The following SLC2A14 variants were observed in gnomAD, a reference collection of about 807,000 sequenced individuals.
SLC2A14 encodes solute carrier family 2, facilitated glucose transporter member 14.
SLC2A14 carries 13 observed loss-of-function variants against 43.0 expected under a neutral mutation model. The observed-to-expected ratio is 0.30, with a 90% CI of 0.20 to 0.48. The LOEUF (loss-of-function observed/expected upper bound fraction) is 0.48. SLC2A14 is among the 20% of genes least tolerant of loss of function. The pLI, the probability that SLC2A14 is intolerant of heterozygous loss-of-function variation, is 0.99. For synonymous variants in SLC2A14, 190 were observed against 233.8 expected (o/e 0.81, Z 1.71); for missense variants, 428 against 620.4 (o/e 0.69, Z 3.29).
chr12:7,890,978 C>A, intron 1 of SLC2A14: 3 of 1,528,828 alleles, frequency 2.0e-6, no homozygotes, highest in South Asian at 1.2e-5. Flanking sequence ...GAAGCATGAT[C>A]TATCTAGTTC....
chr12:7,842,640 A>T (rs945388006), intron 2 of SLC2A14, among the ~76,000 whole-genome samples: 1 of 147,210 alleles, frequency 6.8e-6, no homozygotes, highest in Non-Finnish European at 1.5e-5. Context: ...CCAGGCTACC[A>T]CCCCCCTCCC....
intron 4 of SLC2A14, 141 bp from the exon 5 acceptor site, chr12:7,830,147 T>C: frequency 1.8e-6 from 2 of 1,122,202 alleles, no homozygotes; most frequent in Non-Finnish European, 2.4e-6. Context: ...CACTTTCTTT[T>C]CTTTTCTTTC....
At chr12:7,862,987 G>C (rs1944669969) in intron 2 of SLC2A14, among the ~76,000 whole-genome samples, 1 of 152,106 alleles carries the variant, frequency 6.6e-6, no homozygotes, top group Non-Finnish European at 1.5e-5. Context: ...CCAGATAAGA[G>C]AATAAAAGCA....
chr12:7,850,016 A>G (rs1182079919), intron 2 of SLC2A14, among the ~76,000 whole-genome samples: 1 of 148,390 alleles, frequency 6.7e-6, no homozygotes, highest in East Asian at 2.0e-4. Flanking sequence ...TGGAGGGGAC[A>G]AGACAAGAAA....
chr12:7,851,500 T>C (rs1866936552), intron 2 of SLC2A14, among the ~76,000 whole-genome samples: 1 of 152,168 alleles, frequency 6.6e-6, no homozygotes, highest in Non-Finnish European at 1.5e-5. Flanking sequence ...TCAATAATAA[T>C]TTAATAAATG....
At chr12:7,828,223 C>T (rs1301505071) in intron 6 of SLC2A14, among the ~76,000 whole-genome samples, 4 of 151,972 alleles carry the variant, frequency 2.6e-5, no homozygotes, top group Admixed American at 6.6e-5. Context: ...CATTAGCTGG[C>T]GTGGTGTCGC....
intron 2 of SLC2A14, among the ~76,000 whole-genome samples, chr12:7,838,474 A>G (rs1388805552): frequency 6.6e-6 from 1 of 151,774 alleles, no homozygotes; most frequent in Non-Finnish European, 1.5e-5. Flanking sequence ...TATTTCCCCC[A>G]TTTCCCCCTT....
At chr12:7,873,125 C>T, upstream of SLC2A14, 1 of 985,606 alleles carries the variant, frequency 1.0e-6, no homozygotes, top group Non-Finnish European at 1.2e-6. Flanking sequence ...GGGGATCCCT[C>T]CGAGCGCCCC....
chr12:7,819,234 A>G (rs1339369578), intron 9 of SLC2A14, among the ~76,000 whole-genome samples: 1 of 152,070 alleles, frequency 6.6e-6, no homozygotes, highest in Non-Finnish European at 1.5e-5. Context: ...ACAAACAAAC[A>G]AACAAAAGAA....
intron 6 of SLC2A14, among the ~76,000 whole-genome samples, chr12:7,827,885 A>G (rs1032896640): frequency 6.6e-6 from 1 of 152,132 alleles, no homozygotes; most frequent in Non-Finnish European, 1.5e-5. Flanking sequence ...TCGTGCCTGT[A>G]ATCCCAGCAT....
intron 1 of SLC2A14, among the ~76,000 whole-genome samples, chr12:7,889,016 A>G (rs1489718881): frequency 1.3e-5 from 2 of 152,044 alleles, no homozygotes; most frequent in Non-Finnish European, 2.9e-5. Context: ...TGGGCTAGAT[A>G]TAATTAAGAT....
upstream of SLC2A14, among the ~76,000 whole-genome samples, chr12:7,875,241 T>A (rs1431475606): frequency 7.5e-6 from 1 of 133,472 alleles, no homozygotes; most frequent in African/African-American, 2.8e-5. Context: ...TTTTATATAT[T>A]TATATATATA....
At chr12:7,832,153 C>T (rs980656348) in intron 3 of SLC2A14, among the ~76,000 whole-genome samples, 1 of 152,120 alleles carries the variant, frequency 6.6e-6, no homozygotes, top group African/African-American at 2.4e-5. Flanking sequence ...CATTTCCTCC[C>T]TAGAGAATCA....
At position 7,832,822 on chromosome 12, in the gene SLC2A14, G is replaced by C. The variant is rs186233837; in HGVS notation, c.19-8C>G. 1.0e-4 allele frequency: 168 copies of C among 1,613,478 alleles called. No homozygotes were observed. The African/African-American group carries it at 2.1e-3, about 20-fold the overall frequency. On this transcript the variant is annotated splice_polypyrimidine_tract_variant and splice_region_variant and intron_variant, in intron 2 of 10. Transcript: ENST00000431042. Reference sequence around the variant, plus strand: ...GATCAGAGCTGGGGTGACCTGGAGAGACAGAGGACAGGGAGGAGAGAATAG... The same window carrying C: ...GATCAGAGCTGGGGTGACCTGGAGACACAGAGGACAGGGAGGAGAGAATAG...
chr12:7,881,542 G>T (rs1442100847), intron 1 of SLC2A14, among the ~76,000 whole-genome samples: 2 of 152,152 alleles, frequency 1.3e-5, no homozygotes, highest in Non-Finnish European at 2.9e-5. Flanking sequence ...AGGACCTGCA[G>T]CCCGCCATGC....
At position 7,870,752 on chromosome 12, in the gene SLC2A14, C is replaced by T. The variant is rs1011869727; in HGVS notation, c.-57-815G>A. 5.7e-5 allele frequency: 36 copies of T among 626,642 alleles called. 1 individual carries two copies. The highest frequency in any genetic ancestry group is 7.5e-5 in the Non-Finnish European group (36 of 477,616). 38.8% of individuals were successfully genotyped at this position (626,642 alleles called of 1,614,324 possible). A position where few individuals can be genotyped will look rare whatever the true frequency, so the allele number is the denominator to read the frequency against. ...AGTCAAACCAAAAAAAACCTCAGAACTCTTTTAACTCAAATAAATATACTT... is the reference window on the plus strand; with the variant it reads ...AGTCAAACCAAAAAAAACCTCAGAATTCTTTTAACTCAAATAAATATACTT... On this transcript the variant is annotated intron_variant, in intron 1 of 10. Transcript: ENST00000431042.
chr12:7,827,392 C>T (rs755787265), intron 7 of SLC2A14, 103 bp downstream of exon 7: 46 of 1,463,064 alleles, frequency 3.1e-5, no homozygotes, highest in Non-Finnish European at 3.9e-5. Context: ...TCTCCTGCCT[C>T]AGCCTCCTGA....
At position 7,829,974 on chromosome 12, in the gene SLC2A14, G is replaced by C; in HGVS notation, c.305C>G (p.Ala102Gly). ...RNSMLIVNLL[A>G]ATGGCLMGLC... ...TCCCATAAGGCAGCCACCAGTGGCA[G>C]CCAACAGGTTGACAATCAGCATTGA... is the stretch of plus-strand genomic sequence containing the variant. Residue 102 changes from alanine to glycine, a missense_variant, in exon 5 of 11, where the codon GCT becomes GGT. Physicochemically the swap from Ala to Gly is moderately conservative, Grantham distance 60. Coordinates refer to ENST00000431042, the MANE Select transcript of SLC2A14 (RefSeq NM_001286234.2). 1 of 1,614,218 alleles carries C rather than the reference G, an allele frequency of 6.2e-7. No homozygotes were observed. The highest frequency in any genetic ancestry group is 2.2e-5 in the East Asian group (1 of 44,888).
chr12:7,882,074 C>T (rs755682535), intron 1 of SLC2A14, among the ~76,000 whole-genome samples: 27 of 152,054 alleles, frequency 1.8e-4, no homozygotes, highest in Non-Finnish European at 2.8e-4. Context: ...TGTTGGCCTC[C>T]CTTTCTACAC....
Sources: allele counts gnomAD v4.1 joint callset (sites outside exome capture counted in the v4.1 genomes callset), GRCh38; gene constraint gnomAD v4.1.1; transcripts MANE v1.5; gene names NCBI Gene and HGNC (gene_info 2026-07-23, HGNC 2026-07-21).